Variants in SLC35F1 observed in about 807,000 individuals in gnomAD.
SLC35F1 encodes the protein solute carrier family 35 member F1.
A neutral mutation model predicts 48.7 loss-of-function variants in SLC35F1; 14 were observed. That is an observed-to-expected ratio of 0.29 (90% CI 0.19 to 0.45). SLC35F1 has a LOEUF of 0.45. Ranked by LOEUF, SLC35F1 falls within the 20% of genes least tolerant of loss-of-function variation. The pLI, the probability that SLC35F1 is intolerant of heterozygous loss-of-function variation, is 1.00. For synonymous variants in SLC35F1, 190 were observed against 202.2 expected (o/e 0.94, Z 0.51); for missense variants, 404 against 500.0 (o/e 0.81, Z 1.83).
chr6:118,061,794 G>A (rs1028583539), intron 1 of SLC35F1, among the ~76,000 whole-genome samples: 3 of 152,078 alleles, frequency 2.0e-5, no homozygotes, highest in Admixed American at 1.3e-4. Flanking sequence ...TCAGGCATTA[G>A]TTAGAGTCTC....
intron 7 of SLC35F1, among the ~76,000 whole-genome samples, chr6:118,310,482 A>T (rs1776360337): frequency 6.6e-6 from 1 of 152,300 alleles, no homozygotes; most frequent in South Asian, 2.1e-4. Flanking sequence ...TCTTAATTAA[A>T]CTAAAAAGAA....
At chr6:117,934,198 T>C (rs929562198) in intron 1 of SLC35F1, among the ~76,000 whole-genome samples, 3 of 152,154 alleles carry the variant, frequency 2.0e-5, no homozygotes, top group African/African-American at 7.2e-5. Context: ...ACCCATAGCT[T>C]TCAATTCTTT....
chr6:118,114,539 A>ATTT (rs386408393), intron 1 of SLC35F1, among the ~76,000 whole-genome samples: 207 of 148,620 alleles, frequency 1.4e-3, no homozygotes, highest in Admixed American at 3.9e-3. Context: ...ACGCCCAGCT[A>ATTT]TTTTTTTTTT....
intron 4 of SLC35F1, among the ~76,000 whole-genome samples, chr6:118,270,537 G>C (rs1775837127): frequency 1.3e-5 from 2 of 152,188 alleles, no homozygotes; most frequent in Non-Finnish European, 2.9e-5. Flanking sequence ...TTCTATGTTT[G>C]TCACCTGTAC....
intron 1 of SLC35F1, among the ~76,000 whole-genome samples, chr6:118,059,595 G>A (rs1339919650): frequency 1.6e-4 from 24 of 152,066 alleles, no homozygotes; most frequent in Middle Eastern, 3.2e-3. Context: ...ATCGCAAGTC[G>A]GCATCATAGT....
At chr6:118,104,716 A>G (rs979922322) in intron 1 of SLC35F1, among the ~76,000 whole-genome samples, 3 of 152,170 alleles carry the variant, frequency 2.0e-5, no homozygotes, top group Non-Finnish European at 4.4e-5. Flanking sequence ...AGGAGCTGCA[A>G]TGCTTTGGAC....
intron 1 of SLC35F1, among the ~76,000 whole-genome samples, chr6:117,912,138 C>CT (rs1361916876): frequency 6.6e-6 from 1 of 152,202 alleles, no homozygotes; most frequent in African/African-American, 2.4e-5. Flanking sequence ...GTTTCTGCCT[C>CT]TTTGAGTCTT....
chr6:117,981,147 C>T (rs10499084), intron 1 of SLC35F1, among the ~76,000 whole-genome samples: 32,354 of 151,976 alleles, frequency 0.21, 3,648 homozygotes, highest in East Asian at 0.33. Context: ...AGATAGGAGA[C>T]TGAGGTTGCA....
chr6:118,118,621 ATCT>A (rs1249026898), intron 1 of SLC35F1, among the ~76,000 whole-genome samples: 1 of 152,120 alleles, frequency 6.6e-6, no homozygotes, highest in South Asian at 2.1e-4. Context: ...ATCTCTTCAG[ATCT>A]TCTGTCTTTT....
chr6:118,048,921 A>G (rs1175235992), intron 1 of SLC35F1, among the ~76,000 whole-genome samples: 2 of 152,218 alleles, frequency 1.3e-5, no homozygotes, highest in African/African-American at 4.8e-5. Context: ...TCCTAAGCCA[A>G]AAGAACAAAG....
At chr6:117,907,967 C>T (rs916559175) in intron 1 of SLC35F1, 68 bp downstream of exon 1, 3 of 1,272,282 alleles carry the variant, frequency 2.4e-6, no homozygotes, top group African/African-American at 1.6e-5. Context: ...GGGTCCCCTC[C>T]GTCCCTGGGG....
At chr6:118,226,376 A>G (rs1775218303) in intron 2 of SLC35F1, among the ~76,000 whole-genome samples, 1 of 152,232 alleles carries the variant, frequency 6.6e-6, no homozygotes, top group Non-Finnish European at 1.5e-5. Context: ...CCTAAAAGAT[A>G]GGAAATCAAT....
intron 2 of SLC35F1, among the ~76,000 whole-genome samples, chr6:118,164,884 T>C (rs1188773856): frequency 6.6e-6 from 1 of 152,168 alleles, no homozygotes; most frequent in African/African-American, 2.4e-5. Flanking sequence ...TTCTTACCAC[T>C]TCAGTGGCCA....
Position 118,224,104 on chromosome 6 carries a change from C to A in SLC35F1, c.350-11405C>A, listed in dbSNP as rs73766476. 9.0e-3 allele frequency among the ~76,000 whole-genome samples: 1,375 copies of A among 152,304 alleles called. 22 individuals carry two copies. Among genetic ancestry groups the A allele is most frequent in the African/African-American group, 0.032 (1,325 of 41,562 alleles). On this transcript the variant is annotated intron_variant, in intron 2 of 7. Coordinates refer to ENST00000360388, the MANE Select transcript of SLC35F1 (RefSeq NM_001029858.4). ...GTCTTGTCATTAAAAAGGACAAATA[C>A]ATTTTCCCCTCAGCAGGCTCACCCT...
intron 1 of SLC35F1, among the ~76,000 whole-genome samples, chr6:118,082,875 A>G (rs952794966): frequency 2.6e-5 from 4 of 152,160 alleles, no homozygotes; most frequent in Non-Finnish European, 5.9e-5. Context: ...TCACCTGCTC[A>G]TCCCTGAAGT....
At chr6:118,176,197 A>G (rs1009061633) in intron 2 of SLC35F1, among the ~76,000 whole-genome samples, 1 of 152,122 alleles carries the variant, frequency 6.6e-6, no homozygotes, top group African/African-American at 2.4e-5. Flanking sequence ...TGAAATGTTT[A>G]GAGGCACACC....
intron 1 of SLC35F1, among the ~76,000 whole-genome samples, chr6:118,009,510 A>T (rs1391472161): frequency 6.6e-6 from 1 of 152,196 alleles, no homozygotes; most frequent in Non-Finnish European, 1.5e-5. Flanking sequence ...AAGAAAACAG[A>T]AAACACTGAT....
chr6:118,223,787 C>T (rs187322080), intron 2 of SLC35F1, among the ~76,000 whole-genome samples: 1 of 152,170 alleles, frequency 6.6e-6, no homozygotes, highest in African/African-American at 2.4e-5. Flanking sequence ...ATGACAGATG[C>T]TCTCATGTCA....
At chr6:117,965,569 T>C (rs900888813) in intron 1 of SLC35F1, among the ~76,000 whole-genome samples, 1 of 152,234 alleles carries the variant, frequency 6.6e-6, no homozygotes, top group African/African-American at 2.4e-5. Flanking sequence ...AAAAGGATTC[T>C]GGACCATGAG....
Sources: gnomAD v4.1 joint callset for allele counts (sites outside exome capture counted in the v4.1 genomes callset) on GRCh38, gnomAD v4.1.1 for gene constraint, MANE v1.5 for transcripts, NCBI Gene and HGNC (gene_info 2026-07-23, HGNC 2026-07-21) for gene names.